The following DARS1 variants were observed in gnomAD, a reference collection of about 807,000 sequenced individuals.
DARS1 encodes aspartate--tRNA ligase, cytoplasmic.
In DARS1, 51 loss-of-function variants were observed where a neutral mutation model predicts 68.8. The ratio of observed to expected loss-of-function variants is 0.74; its 90% CI spans 0.59 to 0.94. The LOEUF is 0.94. DARS1 is among the 40% of genes least tolerant of loss of function. The probability of loss-of-function intolerance (pLI) is 0.00; values close to 1 mark genes in which losing one functional copy is unlikely to be tolerated. For missense variants in DARS1, 607 were observed against 597.3 expected, an observed-to-expected ratio of 1.02 and a Z score of -0.17; for synonymous variants, 203 against 190.4, an observed-to-expected ratio of 1.07 and a Z score of -0.55.
intron 13 of DARS1, 21 bp downstream of exon 13, chr2:135,912,464 TA>T: frequency 1.2e-6 from 1 of 825,548 alleles, no homozygotes; most frequent in Non-Finnish European, 2.0e-6. Flanking sequence ...CAAAATGGGT[TA>T]CTTAAAACCA....
intron 5 of DARS1, 45 bp downstream of exon 5, chr2:135,943,333 C>G: frequency 6.3e-7 from 1 of 1,587,688 alleles, no homozygotes; most frequent in Non-Finnish European, 8.6e-7. Flanking sequence ...CTATTAGAAC[C>G]CAAATCTATT....
intron 5 of DARS1, among the ~76,000 whole-genome samples, chr2:135,942,780 T>G (rs1332422438): frequency 6.6e-6 from 1 of 152,320 alleles, no homozygotes; most frequent in Middle Eastern, 3.4e-3. Flanking sequence ...CAGATGTGTT[T>G]TGTATTTTTC....
At chr2:135,973,052 C>T (rs1682415316) in intron 3 of DARS1, among the ~76,000 whole-genome samples, 1 of 152,166 alleles carries the variant, frequency 6.6e-6, no homozygotes, top group South Asian at 2.1e-4. Flanking sequence ...ACCACATGAT[C>T]CAGCAATCCC....
chr2:135,947,832 A>C (rs986727152), intron 4 of DARS1, among the ~76,000 whole-genome samples: 3 of 151,898 alleles, frequency 2.0e-5, no homozygotes, highest in Non-Finnish European at 1.5e-5. Flanking sequence ...TGAAAAAAAA[A>C]AAAACAAAAA....
chr2:135,983,350 G>T (rs1289052363), intron 2 of DARS1, 47 bp downstream of exon 2: 3 of 805,964 alleles, frequency 3.7e-6, no homozygotes, highest in South Asian at 1.5e-5. Flanking sequence ...AGCTTTCCTG[G>T]AATTAGAAAG....
chr2:135,980,616 G>A (rs1428002242), intron 2 of DARS1: 1 of 152,212 alleles, frequency 6.6e-6, no homozygotes, highest in African/African-American at 2.4e-5. Flanking sequence ...CAGACTTTAT[G>A]AGTTAAGCCA....
chr2:135,955,551 T>C (rs1681952662), intron 4 of DARS1, among the ~76,000 whole-genome samples: 2 of 150,322 alleles, frequency 1.3e-5, no homozygotes, highest in Non-Finnish European at 2.9e-5. Flanking sequence ...GGCAAAGAAG[T>C]ACAAAATGCC....
At chr2:135,968,172 G>A (rs1682280380) in intron 3 of DARS1, among the ~76,000 whole-genome samples, 1 of 152,176 alleles carries the variant, frequency 6.6e-6, no homozygotes, top group African/African-American at 2.4e-5. Context: ...GCTAAGGCAG[G>A]AGAATCACTT....
intron 10 of DARS1, among the ~76,000 whole-genome samples, chr2:135,918,385 A>G (rs2104798478): frequency 6.6e-6 from 1 of 152,280 alleles, no homozygotes; most frequent in Admixed American, 6.5e-5. Flanking sequence ...TATACATACA[A>G]TAGAATACAA....
At chr2:135,958,049 T>TG (rs1682017123) in intron 4 of DARS1, among the ~76,000 whole-genome samples, 3 of 152,212 alleles carry the variant, frequency 2.0e-5, no homozygotes, top group African/African-American at 4.8e-5. Context: ...GAAGAATACC[T>TG]GTTCAGTTAC....
intron 3 of DARS1, among the ~76,000 whole-genome samples, chr2:135,964,370 C>T (rs991301593): frequency 1.3e-5 from 2 of 152,158 alleles, no homozygotes; most frequent in Non-Finnish European, 1.5e-5. Flanking sequence ...GAGAACTATA[C>T]ACTCACAGGT....
intron 4 of DARS1, among the ~76,000 whole-genome samples, chr2:135,945,845 T>C (rs1575396304): frequency 1.3e-5 from 2 of 152,204 alleles, no homozygotes; most frequent in Non-Finnish European, 2.9e-5. Flanking sequence ...TAATCAGACA[T>C]AGAGAACAGT....
chr2:135,968,147 C>T (rs1471277816), intron 3 of DARS1, among the ~76,000 whole-genome samples: 1 of 152,060 alleles, frequency 6.6e-6, no homozygotes, highest in Non-Finnish European at 1.5e-5. Context: ...GTAGTCCCAG[C>T]CAGCTACTTG....
chr2:135,966,139 G>A (rs1682230707), intron 3 of DARS1, among the ~76,000 whole-genome samples: 2 of 151,266 alleles, frequency 1.3e-5, no homozygotes, highest in South Asian at 4.2e-4. Flanking sequence ...GGTCATGTCT[G>A]TATGTATATT....
At chr2:135,968,086 C>T (rs953690457) in intron 3 of DARS1, among the ~76,000 whole-genome samples, 1 of 152,000 alleles carries the variant, frequency 6.6e-6, no homozygotes, top group Non-Finnish European at 1.5e-5. Context: ...ATGGTGAAAC[C>T]CCGACTCTAC....
chr2:135,971,496 G>GA (rs1682369286), intron 3 of DARS1, among the ~76,000 whole-genome samples: 1 of 152,114 alleles, frequency 6.6e-6, no homozygotes, highest in Non-Finnish European at 1.5e-5. Context: ...ACTGAATGAG[G>GA]AAAAACTGAA....
rs762833343 is a variant in DARS1, at chr2:135,985,512, C to G, written c.-44G>C. Reference sequence around the variant, plus strand: ...AGTGGACACCACCCTCCCTCGCAGGCTTCCGTAAGGCAGGCCAAAGGGGCT... The same window carrying G: ...AGTGGACACCACCCTCCCTCGCAGGGTTCCGTAAGGCAGGCCAAAGGGGCT... On this transcript the variant is annotated 5_prime_UTR_variant, in exon 1 of 16. Transcript: ENST00000264161. The G allele has an allele frequency of 6.2e-7, 1 of 1,613,842 alleles. No homozygotes were observed. The highest frequency in any genetic ancestry group is 2.2e-5 in the East Asian group (1 of 44,866).
chr2:135,923,024 A>G, intron 8 of DARS1, 106 bp from the exon 9 acceptor site: 1 of 1,235,274 alleles, frequency 8.1e-7, no homozygotes, highest in South Asian at 3.0e-5. Flanking sequence ...TTTAACAAAA[A>G]CTGGAAAATG....
intron 3 of DARS1, among the ~76,000 whole-genome samples, chr2:135,969,260 A>G (rs910631120): frequency 3.9e-5 from 6 of 152,186 alleles, no homozygotes; most frequent in Non-Finnish European, 8.8e-5. Context: ...TATGTAAAGT[A>G]TAACAAGACA....
Sources: gnomAD v4.1 joint callset for allele counts (sites outside exome capture counted in the v4.1 genomes callset) on GRCh38, gnomAD v4.1.1 for gene constraint, MANE v1.5 for transcripts, NCBI Gene and HGNC (gene_info 2026-07-23, HGNC 2026-07-21) for gene names.